MAP2K5: variants seen among roughly 807,000 people sequenced by gnomAD.
The protein encoded by MAP2K5 is mitogen-activated protein kinase kinase 5, also known as dual specificity mitogen-activated protein kinase kinase 5.
Under a neutral mutation model 83.1 loss-of-function variants are expected in MAP2K5, and 49 were observed. That is an observed-to-expected ratio of 0.59 (90% CI 0.47 to 0.75). MAP2K5 has a LOEUF of 0.75. Ranked by LOEUF, MAP2K5 falls within the 30% of genes least tolerant of loss-of-function variation. The pLI is 0.00. For synonymous variants in MAP2K5, 202 were observed against 191.8 expected (o/e 1.05, Z -0.44); for missense variants, 457 against 557.5 (o/e 0.82, Z 1.82).
At chr15:67,567,362 T>G (rs1014862267) in intron 3 of MAP2K5, among the ~76,000 whole-genome samples, 3 of 149,946 alleles carry the variant, frequency 2.0e-5, no homozygotes, top group Admixed American at 1.3e-4. Context: ...AAAGTTTTTT[T>G]TTTTTTTTTT....
chr15:67,605,333 G>A (rs547687452), intron 8 of MAP2K5, among the ~76,000 whole-genome samples: 1 of 151,318 alleles, frequency 6.6e-6, no homozygotes, highest in Admixed American at 6.6e-5. Context: ...GATTATAGGC[G>A]TGAATCACCA....
At position 67,720,267 on chromosome 15, in the gene MAP2K5, C is replaced by CA. The variant is rs556873890; in HGVS notation, c.1045-7648dup. ...ATAAACACACGCATATATATACACA[C>CA]ACATATGCTTATATATACATAAGTA... On this transcript the variant is annotated intron_variant, in intron 16 of 21. Transcript: ENST00000178640. The surrounding 1 kb of genome is among the most constrained non-coding windows in gnomAD (Gnocchi z 5.7). Among the ~76,000 whole-genome samples, 140 of 152,098 alleles carry CA rather than the reference C, an allele frequency of 9.2e-4. 1 individual carries two copies. Among genetic ancestry groups the CA allele is most frequent in the African/African-American group, 3.2e-3 (133 of 41,458 alleles).
rs140741319 is a variant in MAP2K5, at chr15:67,660,438, G to A, written c.798+1824G>A. 3.7e-3 allele frequency among the ~76,000 whole-genome samples: 566 copies of A among 152,228 alleles called. 4 individuals carry two copies. Among genetic ancestry groups the A allele is most frequent in the African/African-American group, 0.013 (535 of 41,544 alleles). On this transcript the variant is annotated intron_variant, in intron 12 of 21. Transcript: ENST00000178640. ...AAATTGATGGGCTGTGGGCTGTGGT[G>A]TGTAAACTAAATATTCCCATAGTCT...
chr15:67,738,775 G>C lies in MAP2K5; in HGVS notation c.1075-9456G>C, dbSNP rs1431138055. Among the ~76,000 whole-genome samples, 1 of 152,166 alleles carries C rather than the reference G, an allele frequency of 6.6e-6. No homozygotes were observed. Among genetic ancestry groups the C allele is most frequent in the African/African-American group, 2.4e-5 (1 of 41,428 alleles). On this transcript the variant is annotated intron_variant, in intron 17 of 21. Transcript: ENST00000178640. This position sits in a 1 kb window ranked among gnomAD's most constrained non-coding sequence, Gnocchi z 4.1. ...TCTAAGTAATACCTTATTTGAACTA[G>C]AGTTATTTCGTAAACAGAGTCTGAA...
At position 67,736,593 on chromosome 15, in the gene MAP2K5, A is replaced by G. The variant is rs1174927204; in HGVS notation, c.1074+8648A>G. On this transcript the variant is annotated intron_variant, in intron 17 of 21. Transcript: ENST00000178640. The surrounding 1 kb of genome is among the most constrained non-coding windows in gnomAD (Gnocchi z 4.3). ...ATCCCACAAGAGCCTTCCTTTACAGACTTTCTTTTTTGAGTTATAATTTAT... is the reference window on the plus strand; with the variant it reads ...ATCCCACAAGAGCCTTCCTTTACAGGCTTTCTTTTTTGAGTTATAATTTAT... Among the ~76,000 whole-genome samples the G allele has an allele frequency of 6.6e-6, 1 of 152,190 alleles. No individual in the cohort carries two copies. Among genetic ancestry groups the G allele is most frequent in the Non-Finnish European group, 1.5e-5 (1 of 68,030 alleles).
chr15:67,556,399 A>G (rs1397154892), intron 2 of MAP2K5, among the ~76,000 whole-genome samples: 1 of 152,052 alleles, frequency 6.6e-6, no homozygotes, highest in African/African-American at 2.4e-5. Context: ...AGAAACATTC[A>G]TTGATATTCT....
Position 67,750,766 on chromosome 15 carries a change from G to A in MAP2K5, c.1134+2165G>A, listed in dbSNP as rs1452738276. On this transcript the variant is annotated intron_variant, in intron 19 of 21. Transcript: ENST00000178640. This position sits in a 1 kb window ranked among gnomAD's most constrained non-coding sequence, Gnocchi z 4.2. ...TAGCTAGCTATCTTCATTTGCATCTGACTTTTAGACCTTTTATTTGTGAAT... is the reference window on the plus strand; with the variant it reads ...TAGCTAGCTATCTTCATTTGCATCTAACTTTTAGACCTTTTATTTGTGAAT... Among the ~76,000 whole-genome samples the A allele has an allele frequency of 6.6e-6, 1 of 152,142 alleles. No homozygotes were observed. Among genetic ancestry groups the A allele is most frequent in the Non-Finnish European group, 1.5e-5 (1 of 68,030 alleles).
In MAP2K5 at chr15:67,708,261, T is replaced by C. The variant is rs1374281224; in HGVS notation, c.1044+4853T>C. Among the ~76,000 whole-genome samples, 2 of 151,678 alleles carry C rather than the reference T, an allele frequency of 1.3e-5. No homozygotes were observed. Among genetic ancestry groups the C allele is most frequent in the African/African-American group, 4.8e-5 (2 of 41,254 alleles). On this transcript the variant is annotated intron_variant, in intron 16 of 21. Transcript: ENST00000178640. The surrounding 1 kb of genome is among the most constrained non-coding windows in gnomAD (Gnocchi z 4.9). ...TTGCTAGAGCCTAGGAGTTTGAGGC[T>C]GCAGTGAGCTATGATTGCACCACCA...
At chr15:67,730,468 T>C (rs1379659118) in intron 17 of MAP2K5, among the ~76,000 whole-genome samples, 5 of 152,186 alleles carry the variant, frequency 3.3e-5, no homozygotes, top group African/African-American at 1.2e-4. Context: ...CATAGACTCT[T>C]AGAGTTGGAA....
rs886328699 is a variant in MAP2K5, at chr15:67,738,429, A to G, written c.1075-9802A>G. Among the ~76,000 whole-genome samples, 1 of 152,226 alleles carries G rather than the reference A, an allele frequency of 6.6e-6. No homozygotes were observed. The highest frequency in any genetic ancestry group is 1.5e-5 in the Non-Finnish European group (1 of 68,032). ...GCCAGGCAGCTGGAAACACTCAGTG[A>G]TTCAGGGTAGAGGGCATAGGAGGCA... On this transcript the variant is annotated intron_variant, in intron 17 of 21. Coordinates refer to ENST00000178640, the MANE Select transcript of MAP2K5 (RefSeq NM_145160.3). This position sits in a 1 kb window ranked among gnomAD's most constrained non-coding sequence, Gnocchi z 4.1.
intron 16 of MAP2K5, among the ~76,000 whole-genome samples, chr15:67,704,169 A>G (rs1362932695): frequency 2.0e-5 from 3 of 152,200 alleles, no homozygotes; most frequent in Non-Finnish European, 4.4e-5. Flanking sequence ...GCTCAGTTTG[A>G]ATTATGGTAG....
At chr15:67,705,197 A>C (rs1269541617) in intron 16 of MAP2K5, among the ~76,000 whole-genome samples, 1 of 152,230 alleles carries the variant, frequency 6.6e-6, no homozygotes, top group Non-Finnish European at 1.5e-5. Context: ...ATTAGATTTA[A>C]GATTTAGAGC....
rs2088453277 is a variant in MAP2K5 at position 67,702,822 on chromosome 15, G to T, written c.973-515G>T. ...GGTAAAGGAAATAGGAATGTGTATT[G>T]CTCTGATCTCATTTTTTCAAATTTC... On this transcript the variant is annotated intron_variant, in intron 15 of 21. Transcript: ENST00000178640. This position sits in a 1 kb window ranked among gnomAD's most constrained non-coding sequence, Gnocchi z 4.6. Among the ~76,000 whole-genome samples the T allele has an allele frequency of 6.6e-6, 1 of 152,126 alleles. No homozygotes were observed. Among genetic ancestry groups the T allele is most frequent in the African/African-American group, 2.4e-5 (1 of 41,416 alleles).
chr15:67,666,784 GT>G (rs1232479264), intron 13 of MAP2K5, among the ~76,000 whole-genome samples: 1 of 152,138 alleles, frequency 6.6e-6, no homozygotes, highest in Non-Finnish European at 1.5e-5. Context: ...GAAGATATCT[GT>G]TGGGGACACA....
chr15:67,656,083 C>A (rs1414350379), intron 11 of MAP2K5, among the ~76,000 whole-genome samples: 1 of 151,990 alleles, frequency 6.6e-6, no homozygotes, highest in South Asian at 2.1e-4. Flanking sequence ...CTTCAGGGAA[C>A]AAAGAAAAGT....
chr15:67,603,223 C>T (rs1312725085), intron 8 of MAP2K5, among the ~76,000 whole-genome samples: 2 of 152,190 alleles, frequency 1.3e-5, no homozygotes, highest in Non-Finnish European at 2.9e-5. Context: ...ACCCATTAAA[C>T]AGTAACTCCC....
At chr15:67,799,932 C>T (rs534900009) in intron 21 of MAP2K5, among the ~76,000 whole-genome samples, 5 of 151,890 alleles carry the variant, frequency 3.3e-5, no homozygotes, top group African/African-American at 7.3e-5. Context: ...TGTCACTCCA[C>T]GCAGAGTGGG....
intron 2 of MAP2K5, among the ~76,000 whole-genome samples, chr15:67,557,295 G>A (rs1394681282): frequency 6.6e-6 from 1 of 152,152 alleles, no homozygotes; most frequent in Non-Finnish European, 1.5e-5. Context: ...AATCTCACTG[G>A]TGACTTGAAA....
chr15:67,753,592 T>G (rs763126355), intron 19 of MAP2K5, among the ~76,000 whole-genome samples: 4 of 152,094 alleles, frequency 2.6e-5, no homozygotes, highest in Admixed American at 6.6e-5. Flanking sequence ...CATGAAAATA[T>G]GCTCAACAAT....
Sources: gnomAD v4.1 joint callset for allele counts (sites outside exome capture counted in the v4.1 genomes callset) on GRCh38, gnomAD v4.1.1 for gene constraint, Gnocchi (gnomAD v3.1) non-coding constraint, MANE v1.5 for transcripts, NCBI Gene and HGNC (gene_info 2026-07-23, HGNC 2026-07-21) for gene names.